CRYGC: variants seen among roughly 807,000 people sequenced by gnomAD.
CRYGC encodes the protein crystallin gamma C, also known as gamma-crystallin C.
In CRYGC, 14 loss-of-function variants were observed where a neutral mutation model predicts 21.9. The observed-to-expected ratio is 0.64, with a 90% CI of 0.42 to 1.00. The LOEUF (loss-of-function observed/expected upper bound fraction) is 1.00, where lower values mean the gene tolerates loss of function less well. Ranked by LOEUF, CRYGC falls within the 50% of genes least tolerant of loss-of-function variation. CRYGC has a pLI of 0.00. For missense variants in CRYGC, 235 were observed against 234.2 expected, an observed-to-expected ratio of 1.00 and a Z score of -0.02; for synonymous variants, 96 against 89.8, an observed-to-expected ratio of 1.07 and a Z score of -0.39.
chr2:208,129,654 C>G lies in CRYGC; in HGVS notation c.39G>C (p.Gln13His). ...KITFYEDRAF[Q>H]GRSYETTTDC... ...CAGTGGTGGTTTCGTAGCTGCGGCC[C>G]TGGAAGGCCCTGTCCTCATAGAAGG... The change falls in exon 2 of 3, where the codon CAG (glutamine) becomes CAC (histidine). Residue 13 changes from glutamine to histidine, a missense_variant. Physicochemically the swap from Gln to His is conservative, Grantham distance 24 (BLOSUM62 0). Coordinates refer to ENST00000282141, the MANE Select transcript of CRYGC (RefSeq NM_020989.4). 1 of 1,614,262 alleles carries G rather than the reference C, an allele frequency of 6.2e-7. No individual in the cohort carries two copies. Among genetic ancestry groups the G allele is most frequent in the Non-Finnish European group, 8.5e-7 (1 of 1,180,048 alleles).
chr2:208,128,583 T>C, intron 2 of CRYGC, 108 bp from the exon 3 acceptor site: 1 of 1,336,574 alleles, frequency 7.5e-7, no homozygotes, highest in Non-Finnish European at 1.1e-6. Flanking sequence ...GGAATTGTCA[T>C]TGTAAAATTT....
chr2:208,129,584 G>T lies in CRYGC; in HGVS notation c.109C>A (p.Arg37=), dbSNP rs1040762144. The T allele has an allele frequency of 6.2e-7, 1 of 1,614,202 alleles. No individual in the cohort carries two copies. Among genetic ancestry groups the T allele is most frequent in the Admixed American group, 1.7e-5 (1 of 60,028 alleles). ...QPYFSRCNSI[R]VESGCWMLYE... ...AGCATCCAGCAGCCGCTCTCCACCC[G>T]GATGGAGTTGCAGCGGCTGAAATAC... The change falls in exon 2 of 3, where the codon CGG becomes AGG. Residue 37 remains arginine (R), a synonymous_variant. Coordinates refer to ENST00000282141, the MANE Select transcript of CRYGC (RefSeq NM_020989.4).
Position 208,129,580 on chromosome 2 carries a change from A to T in CRYGC, c.113T>A (p.Val38Glu). 6.2e-7 allele frequency: 1 copy of T among 1,614,138 alleles called. No homozygotes were observed. The highest frequency in any genetic ancestry group is 8.5e-7 in the Non-Finnish European group (1 of 1,180,024). Residue 38 changes from valine to glutamate, a missense_variant, in exon 2 of 3, where the codon GTG becomes GAG. Physicochemically the swap from Val to Glu is moderately radical, Grantham distance 121. Transcript: ENST00000282141. ...PYFSRCNSIR[V>E]ESGCWMLYER... is the part of the protein sequence containing the mutation. The stretch of plus-strand genomic sequence containing the variant: ...ATAGAGCATCCAGCAGCCGCTCTCC[A>T]CCCGGATGGAGTTGCAGCGGCTGAA...
intron 2 of CRYGC, among the ~76,000 whole-genome samples, chr2:208,128,785 T>C (rs1179432128): frequency 3.3e-5 from 5 of 152,206 alleles, no homozygotes. Flanking sequence ...TAATTACCTG[T>C]GTTAATTCAA....
intron 2 of CRYGC, 150 bp downstream of exon 2, chr2:208,129,291 G>A: frequency 8.3e-7 from 1 of 1,203,914 alleles, no homozygotes; most frequent in Non-Finnish European, 1.2e-6. Context: ...ATTCTCTGCT[G>A]TTTTTGTGCA....
chr2:208,128,292 G>A lies in CRYGC; in HGVS notation c.436C>T (p.Leu146=), dbSNP rs776583881. The A allele has an allele frequency of 6.2e-7, 1 of 1,614,234 alleles. No individual in the cohort carries two copies. Among genetic ancestry groups the A allele is most frequent in the African/African-American group, 1.3e-5 (1 of 75,066 alleles). ...LPNYRGRQYL[L]RPQEYRRCQD... ...CACCGCCTGTACTCTTGGGGCCTCA[G>A]CAGGTATTGCCGCCCCCGGTAGTTG... Residue 146 remains leucine (L), a synonymous_variant, in exon 3 of 3, where the codon CTG becomes TTG. Transcript: ENST00000282141.
rs1200715165 is a variant in CRYGC at position 208,128,368 on chromosome 2, C to A, written c.360G>T (p.Glu120Asp). 1.2e-6 allele frequency: 2 copies of A among 1,614,044 alleles called. No individual in the cohort carries two copies. The highest frequency in any genetic ancestry group is 3.3e-5 in the Admixed American group (2 of 59,998). Residue 120 changes from glutamate (E) to aspartate (D), a missense_variant, in exon 3 of 3, where the codon GAG (glutamate) becomes GAT (aspartate). Transcript: ENST00000282141. Reference sequence around the variant, plus strand: ...CCTCCAGCACGTGGAGGGAACGGATCTCGCTGAGGTGGAAGCGGTCCTGGA... The same window carrying A: ...CCTCCAGCACGTGGAGGGAACGGATATCGCTGAGGTGGAAGCGGTCCTGGA... ...PSIQDRFHLS[E>D]IRSLHVLEGC...
At position 208,129,536 on chromosome 2, in the gene CRYGC, C is replaced by T. The variant is rs1335843513; in HGVS notation, c.157G>A (p.Gly53Ser). ...WMLYERPNYQ[G>S]QQYLLRRGEY... is the part of the protein sequence containing the mutation. ...CCTCGCCGCAGCAAGTATTGTTGAC[C>T]TTGGTAGTTGGGACGCTCATAGAGC... is the stretch of plus-strand genomic sequence containing the variant. Residue 53 changes from glycine to serine, a missense_variant, in exon 2 of 3, where the codon GGT becomes AGT. Coordinates refer to ENST00000282141, the MANE Select transcript of CRYGC (RefSeq NM_020989.4). 1.9e-6 allele frequency: 3 copies of T among 1,614,188 alleles called. No homozygotes were observed. Among genetic ancestry groups the T allele is most frequent in the Non-Finnish European group, 2.5e-6 (3 of 1,180,030 alleles).
At position 208,129,408 on chromosome 2, in the gene CRYGC, T is replaced by G. The variant is rs369338873; in HGVS notation, c.252+33A>C. On this transcript the variant is annotated intron_variant, in intron 2 of 2. Transcript: ENST00000282141. The stretch of plus-strand genomic sequence containing the variant: ...CCCACATTGACAATACAGTGGGGAC[T>G]CTGGCGGCATGATGGAAATCTAGAA... 3 of 1,611,264 alleles carry G rather than the reference T, an allele frequency of 1.9e-6. No homozygotes were observed. The Admixed American group carries it at 5.0e-5, about 27-fold the overall frequency.
chr2:208,128,390 T>C lies in CRYGC; in HGVS notation c.338A>G (p.Gln113Arg). Residue 113 changes from glutamine to arginine, a missense_variant, in exon 3 of 3, where the codon CAG becomes CGG. By Grantham distance (43) the Gln-to-Arg change is conservative. Coordinates refer to ENST00000282141, the MANE Select transcript of CRYGC (RefSeq NM_020989.4). ...MELSEDCPSI[Q>R]DRFHLSEIRS... ...GATCTCGCTGAGGTGGAAGCGGTCC[T>C]GGATGCTGGGGCAGTCTTCACTCAG... 6.2e-7 allele frequency: 1 copy of C among 1,614,196 alleles called. No individual in the cohort carries two copies. Among genetic ancestry groups the C allele is most frequent in the African/African-American group, 1.3e-5 (1 of 75,064 alleles).
Position 208,129,687 on chromosome 2 carries a change from C to T in CRYGC, c.10-4G>A. On this transcript the variant is annotated splice_polypyrimidine_tract_variant and splice_region_variant and intron_variant, in intron 1 of 2. Coordinates refer to ENST00000282141, the MANE Select transcript of CRYGC (RefSeq NM_020989.4). ...CCCTGTCCTCATAGAAGGTGATCTG[C>T]AAAGGAAGAATCGTTCCGAATTACA... 1 of 1,614,196 alleles carries T rather than the reference C, an allele frequency of 6.2e-7. No individual in the cohort carries two copies. Among genetic ancestry groups the T allele is most frequent in the Non-Finnish European group, 8.5e-7 (1 of 1,180,040 alleles).
chr2:208,129,417 A>G, intron 2 of CRYGC, 24 bp downstream of exon 2: 1 of 1,611,630 alleles, frequency 6.2e-7, no homozygotes, highest in Non-Finnish European at 8.5e-7. Flanking sequence ...CTCTGGCGGC[A>G]TGATGGAAAT....
In CRYGC at chr2:208,129,680, T is replaced by G. The variant is rs104893618; in HGVS notation, c.13A>C (p.Thr5Pro). The G allele has an allele frequency of 6.2e-7, 1 of 1,614,204 alleles. No homozygotes were observed. The highest frequency in any genetic ancestry group is 8.5e-7 in the Non-Finnish European group (1 of 1,180,038). MGKI[T>P]FYEDRAFQGR... ...TGGAAGGCCCTGTCCTCATAGAAGG[T>G]GATCTGCAAAGGAAGAATCGTTCCG... is the stretch of plus-strand genomic sequence containing the variant. The change falls in exon 2 of 3, where the codon ACC becomes CCC. Residue 5 changes from threonine (T) to proline (P), a missense_variant. Transcript: ENST00000282141.
At chr2:208,129,146 C>A (rs1428401618) in intron 2 of CRYGC, among the ~76,000 whole-genome samples, 1 of 152,210 alleles carries the variant, frequency 6.6e-6, no homozygotes, top group Non-Finnish European at 1.5e-5. Context: ...TTATGCCCAA[C>A]CAGCTTCCCA....
At position 208,129,649 on chromosome 2, in the gene CRYGC, C is replaced by T. The variant is rs372921291; in HGVS notation, c.44G>A (p.Arg15His). The change falls in exon 2 of 3, where the codon CGC becomes CAC. Residue 15 changes from arginine (R) to histidine (H), a missense_variant. Transcript: ENST00000282141. ...GCAGTCAGTGGTGGTTTCGTAGCTG[C>T]GGCCCTGGAAGGCCCTGTCCTCATA... Reference protein sequence around the residue: ...TFYEDRAFQGRSYETTTDCPN... With the variant: ...TFYEDRAFQGHSYETTTDCPN... The T allele has an allele frequency of 1.6e-4, 253 of 1,614,124 alleles. 1 individual carries two copies. The highest frequency in any genetic ancestry group is 2.2e-4 in the Admixed American group (13 of 60,008).
intron 2 of CRYGC, among the ~76,000 whole-genome samples, 170 bp from the exon 3 acceptor site, chr2:208,128,645 C>T (rs907064032): frequency 3.9e-5 from 6 of 152,142 alleles, no homozygotes; most frequent in Non-Finnish European, 1.5e-5. Context: ...ATCTGTCTTC[C>T]ACTAGCACCT....
intron 2 of CRYGC, among the ~76,000 whole-genome samples, 185 bp from the exon 3 acceptor site, chr2:208,128,660 A>G (rs1460438759): frequency 6.6e-6 from 1 of 152,168 alleles, no homozygotes; most frequent in East Asian, 1.9e-4. Context: ...GCACCTAAAT[A>G]CTGGCACGCT....
rs377350272 is a variant in CRYGC, at chr2:208,129,776, C to A, written c.9+8G>T. ...TTTTTCATTTTATTTAATTTGTGTT[C>A]TGCTCACCTTCCCCATGGCTGGTTG... is the stretch of plus-strand genomic sequence containing the variant. On this transcript the variant is annotated splice_region_variant and intron_variant, in intron 1 of 2. Transcript: ENST00000282141. 3 of 1,614,138 alleles carry A rather than the reference C, an allele frequency of 1.9e-6. No individual in the cohort carries two copies. The highest frequency in any genetic ancestry group is 1.3e-5 in the African/African-American group (1 of 75,048).
Position 208,129,486 on chromosome 2 carries a change from C to G in CRYGC, c.207G>C (p.Trp69Cys), listed in dbSNP as rs373451856. 1.9e-6 allele frequency: 3 copies of G among 1,613,998 alleles called. No individual in the cohort carries two copies. The highest frequency in any genetic ancestry group is 2.5e-6 in the Non-Finnish European group (3 of 1,180,054). ...RRGEYPDYQQ[W>C]MGLSDSIRSC... ...AGCGGATGGAGTCGCTGAGGCCCAT[C>G]CATTGCTGGTAGTCGGGGTACTCCC... Residue 69 changes from tryptophan to cysteine, a missense_variant, in exon 2 of 3, where the codon TGG becomes TGC. Physicochemically the swap from Trp to Cys is radical, Grantham distance 215. Transcript: ENST00000282141.
Sources: gnomAD v4.1 joint callset for allele counts (sites outside exome capture counted in the v4.1 genomes callset) on GRCh38, gnomAD v4.1.1 for gene constraint, MANE v1.5 for transcripts, NCBI Gene and HGNC (gene_info 2026-07-23, HGNC 2026-07-21) for gene names.